TMEM132C: variants seen among roughly 807,000 people sequenced by gnomAD.
TMEM132C encodes the protein protein phosphatase 1, regulatory subunit 152.
A neutral mutation model predicts 61.4 loss-of-function variants in TMEM132C; 29 were observed. The observed-to-expected ratio is 0.47, with a 90% confidence interval of 0.35 to 0.64. TMEM132C has a LOEUF of 0.64. TMEM132C is among the 30% of genes least tolerant of loss of function. The probability of loss-of-function intolerance (pLI) is 0.00; values close to 1 mark genes in which losing one functional copy is unlikely to be tolerated. For synonymous variants in TMEM132C, 656 were observed against 633.1 expected, an observed-to-expected ratio of 1.04 and a Z score of -0.54; for missense variants, 1,408 against 1,476.9, an observed-to-expected ratio of 0.95 and a Z score of 0.76.
At chr12:128,625,586 A>G (rs1367940289) in intron 4 of TMEM132C, among the ~76,000 whole-genome samples, 2 of 152,192 alleles carry the variant, frequency 1.3e-5, no homozygotes, top group Non-Finnish European at 2.9e-5. Context: ...ATTTCGAACC[A>G]AGTGAAAGGG....
At chr12:128,267,909 GTCCACAGCTCCCCA>G (rs906383277) in intron 1 of TMEM132C, among the ~76,000 whole-genome samples, 3 of 152,208 alleles carry the variant, frequency 2.0e-5, no homozygotes, top group African/African-American at 7.2e-5. Flanking sequence ...TGTGCTCCCT[GTCCACAGCTCCCCA>G]TCCACAGCTT....
chr12:128,650,784 A>G (rs1954260662), intron 4 of TMEM132C, among the ~76,000 whole-genome samples: 1 of 152,150 alleles, frequency 6.6e-6, no homozygotes, highest in African/African-American at 2.4e-5. Context: ...GGGAGTCATC[A>G]TGGTCACTCA....
chr12:128,663,689 G>A (rs1954417383), intron 4 of TMEM132C, among the ~76,000 whole-genome samples: 1 of 145,788 alleles, frequency 6.9e-6, no homozygotes, highest in Non-Finnish European at 1.5e-5. Flanking sequence ...GTATAGGTAC[G>A]TGTGCCTGCA....
chr12:128,591,145 A>C (rs959934984), intron 3 of TMEM132C, among the ~76,000 whole-genome samples: 6 of 152,236 alleles, frequency 3.9e-5, no homozygotes, highest in African/African-American at 1.4e-4. Flanking sequence ...TTGCCCATTT[A>C]AAATGTACAA....
intron 3 of TMEM132C, among the ~76,000 whole-genome samples, chr12:128,602,808 C>T (rs1305377392): frequency 6.6e-6 from 1 of 152,226 alleles, no homozygotes; most frequent in East Asian, 1.9e-4. Context: ...CCTCTGAGTT[C>T]CTCTCTGCCT....
chr12:128,555,725 T>C (rs1874311716), intron 3 of TMEM132C, among the ~76,000 whole-genome samples: 1 of 151,826 alleles, frequency 6.6e-6, no homozygotes, highest in Non-Finnish European at 1.5e-5. Flanking sequence ...TTTTTTTTTT[T>C]TTTCTTTGAT....
intron 4 of TMEM132C, among the ~76,000 whole-genome samples, chr12:128,668,558 T>C (rs1400794859): frequency 6.6e-6 from 1 of 152,230 alleles, no homozygotes; most frequent in Non-Finnish European, 1.5e-5. Flanking sequence ...TCAGCTCTTC[T>C]TTTGTTGCTG....
chr12:128,334,549 T>C (rs988711478), intron 1 of TMEM132C, among the ~76,000 whole-genome samples: 1 of 152,118 alleles, frequency 6.6e-6, no homozygotes, highest in Admixed American at 6.5e-5. Flanking sequence ...TACTTGAGTT[T>C]CCCCCACTAG....
chr12:128,694,476 A>G (rs1954742785), intron 6 of TMEM132C, among the ~76,000 whole-genome samples: 1 of 152,220 alleles, frequency 6.6e-6, no homozygotes, highest in South Asian at 2.1e-4. Context: ...ATTATTTGCC[A>G]AAAGCTTCTA....
intron 3 of TMEM132C, among the ~76,000 whole-genome samples, chr12:128,554,497 TCAAA>T (rs1424891236): frequency 6.6e-6 from 1 of 152,202 alleles, no homozygotes; most frequent in Non-Finnish European, 1.5e-5. Flanking sequence ...CCTGTGCAAA[TCAAA>T]CAAAACGTAT....
At position 128,481,009 on chromosome 12, in the gene TMEM132C, TC is replaced by T. The variant is rs1871301946; in HGVS notation, c.975-62946del. 2.6e-5 allele frequency among the ~76,000 whole-genome samples: 4 copies of T among 152,302 alleles called. No homozygotes were observed. In the South Asian group the frequency reaches 8.3e-4, roughly 32 times the overall value. On this transcript the variant is annotated intron_variant, in intron 2 of 8. Coordinates refer to ENST00000435159, the MANE Select transcript of TMEM132C (RefSeq NM_001136103.3). The stretch of plus-strand genomic sequence containing the variant: ...CACTGTTCCCAGCATCTCGCACGCT[TC>T]CTGGCTCATAGTAGGTGATTAATGA...
intron 2 of TMEM132C, among the ~76,000 whole-genome samples, chr12:128,478,804 C>G (rs1335891031): frequency 2.6e-5 from 4 of 152,224 alleles, no homozygotes; most frequent in Admixed American, 2.0e-4. Flanking sequence ...CTATCCAGCA[C>G]TCAACGACTT....
At chr12:128,684,685 C>T (rs1434035598) in intron 5 of TMEM132C, among the ~76,000 whole-genome samples, 1 of 152,246 alleles carries the variant, frequency 6.6e-6, no homozygotes, top group Non-Finnish European at 1.5e-5. Flanking sequence ...CATTTGAATT[C>T]TCTTTGGCCA....
At chr12:128,586,764 C>T (rs1318036234) in intron 3 of TMEM132C, among the ~76,000 whole-genome samples, 1 of 152,226 alleles carries the variant, frequency 6.6e-6, no homozygotes, top group Non-Finnish European at 1.5e-5. Flanking sequence ...AAACTACTCT[C>T]ATCCTTGCCT....
intron 2 of TMEM132C, among the ~76,000 whole-genome samples, chr12:128,508,300 C>A (rs769510523): frequency 6.6e-6 from 1 of 152,182 alleles, no homozygotes; most frequent in Non-Finnish European, 1.5e-5. Flanking sequence ...TCAGTTATCG[C>A]CCACTGGGTC....
chr12:128,664,988 T>G (rs1022892538), intron 4 of TMEM132C, among the ~76,000 whole-genome samples: 2 of 137,006 alleles, frequency 1.5e-5, no homozygotes, highest in African/African-American at 6.3e-5. Context: ...CACAGGCACA[T>G]GCACCCATAT....
chr12:128,510,496 C>T (rs1872532017), intron 2 of TMEM132C, among the ~76,000 whole-genome samples: 1 of 152,224 alleles, frequency 6.6e-6, no homozygotes, highest in South Asian at 2.1e-4. Context: ...CTCAAGCCCG[C>T]ACCTAGAACG....
intron 2 of TMEM132C, among the ~76,000 whole-genome samples, chr12:128,535,716 AAATT>A (rs1873499961): frequency 6.6e-6 from 1 of 152,152 alleles, no homozygotes; most frequent in Non-Finnish European, 1.5e-5. Context: ...AACGTACAAA[AAATT>A]AATCAGGCAT....
intron 2 of TMEM132C, among the ~76,000 whole-genome samples, chr12:128,530,575 C>T (rs1027577122): frequency 6.6e-6 from 1 of 152,128 alleles, no homozygotes; most frequent in Non-Finnish European, 1.5e-5. Flanking sequence ...TCCCGAGTAG[C>T]TGGGATTACA....
Sources: gnomAD v4.1 joint callset for allele counts (sites outside exome capture counted in the v4.1 genomes callset) on GRCh38, gnomAD v4.1.1 for gene constraint, MANE v1.5 for transcripts, NCBI Gene and HGNC (gene_info 2026-07-23, HGNC 2026-07-21) for gene names.